The following CERS6 variants were observed in gnomAD, a reference collection of about 807,000 sequenced individuals.
CERS6 encodes the protein LAG1 homolog, ceramide synthase 6.
In CERS6, 26 loss-of-function variants were observed where a neutral mutation model predicts 56.8. The observed-to-expected ratio is 0.46, with a 90% CI of 0.34 to 0.63. The LOEUF (loss-of-function observed/expected upper bound fraction) is 0.63. Among genes scored for constraint, CERS6 ranks in the 30% least tolerant of loss-of-function variants. CERS6 has a pLI of 0.01. For missense variants in CERS6, 415 were observed against 467.5 expected, an observed-to-expected ratio of 0.89 and a Z score of 1.04; for synonymous variants, 164 against 173.3, an observed-to-expected ratio of 0.95 and a Z score of 0.42.
chr2:168,561,446 A>T (rs1404053969), intron 3 of CERS6, 124 bp downstream of exon 3: 1 of 1,035,238 alleles, frequency 9.7e-7, no homozygotes, highest in Non-Finnish European at 1.4e-6. Context: ...GTGGGAAAAT[A>T]GTTCAGGAAA....
chr2:168,767,165 T>C (rs942368251), intron 9 of CERS6, among the ~76,000 whole-genome samples: 1 of 152,220 alleles, frequency 6.6e-6, no homozygotes, highest in Admixed American at 6.5e-5. Flanking sequence ...TTCCTTCTAC[T>C]TTATGAAGAG....
intron 8 of CERS6, among the ~76,000 whole-genome samples, chr2:168,733,233 T>C (rs77322357): frequency 0.015 from 2,267 of 152,304 alleles, 55 homozygotes; most frequent in African/African-American, 0.052. Flanking sequence ...ATTGAAACTG[T>C]ATTTTGCTGG....
rs1375264353 is a variant in CERS6, at chr2:168,771,593, A to C, written c.*1931A>C. 6.6e-6 allele frequency: 1 copy of C among 152,222 alleles called. No individual in the cohort carries two copies. Among genetic ancestry groups the C allele is most frequent in the African/African-American group, 2.4e-5 (1 of 41,454 alleles). The allele number at this position is 152,222 out of a possible 1,614,324, so 9.4% of individuals were successfully genotyped here. On this transcript the variant is annotated 3_prime_UTR_variant, in exon 10 of 10. Coordinates refer to ENST00000305747, the MANE Select transcript of CERS6 (RefSeq NM_203463.3). ...TCTGCTAAAATGCAAGTATATGTAT[A>C]AGGTAATAGCATATTACAGCTGAAA... is the stretch of plus-strand genomic sequence containing the variant.
intron 6 of CERS6, among the ~76,000 whole-genome samples, chr2:168,696,906 T>C (rs1488604910): frequency 1.3e-5 from 2 of 152,210 alleles, no homozygotes; most frequent in Non-Finnish European, 2.9e-5. Context: ...GTGTAGCTGC[T>C]CATCGTGGGA....
At chr2:168,566,563 C>T (rs1008773441) in intron 3 of CERS6, among the ~76,000 whole-genome samples, 1 of 152,160 alleles carries the variant, frequency 6.6e-6, no homozygotes, top group South Asian at 2.1e-4. Context: ...ATGCTACTAA[C>T]TTGGTCACCT....
chr2:168,646,329 CAT>C (rs1685200738), intron 4 of CERS6, among the ~76,000 whole-genome samples: 1 of 152,058 alleles, frequency 6.6e-6, no homozygotes, highest in African/African-American at 2.4e-5. Context: ...TTGTTGGCCA[CAT>C]GTGTGTCTTC....
chr2:168,726,210 A>G (rs186670685), intron 8 of CERS6, among the ~76,000 whole-genome samples: 2 of 152,332 alleles, frequency 1.3e-5, no homozygotes, highest in Admixed American at 1.3e-4. Context: ...TTTCTCCGTT[A>G]ATACACAGAG....
chr2:168,738,788 C>A (rs1160038511), intron 8 of CERS6, among the ~76,000 whole-genome samples: 1 of 152,192 alleles, frequency 6.6e-6, no homozygotes, highest in African/African-American at 2.4e-5. Flanking sequence ...AGCTTGCAAT[C>A]CAGTTCTAAC....
chr2:168,458,456 A>T (rs559268529), intron 1 of CERS6, among the ~76,000 whole-genome samples: 5 of 152,364 alleles, frequency 3.3e-5, no homozygotes, highest in African/African-American at 1.2e-4. Context: ...ATAAACACTA[A>T]TGTGATAGTT....
chr2:168,631,627 A>G (rs1170927555), intron 4 of CERS6, among the ~76,000 whole-genome samples: 1 of 65,042 alleles, frequency 1.5e-5, no homozygotes, highest in African/African-American at 6.1e-5. Context: ...ATATTTATAT[A>G]ATATATAGCA....
chr2:168,755,390 C>G (rs1684386924), intron 8 of CERS6, among the ~76,000 whole-genome samples: 1 of 152,144 alleles, frequency 6.6e-6, no homozygotes, highest in Non-Finnish European at 1.5e-5. Context: ...CTAGTCATCT[C>G]TAGGGATCCT....
At chr2:168,505,984 G>T (rs538503901) in intron 1 of CERS6, among the ~76,000 whole-genome samples, 1 of 152,308 alleles carries the variant, frequency 6.6e-6, no homozygotes. Flanking sequence ...CTCCTGAGCT[G>T]CTTTATGTGT....
At position 168,731,741 on chromosome 2, in the gene CERS6, G is replaced by T. The variant is rs767339854; in HGVS notation, c.845+13763G>T. ...GGTGAGTCATCCCCAGCCACCCTTG[G>T]GGATTTCTCATCAGGTTTACTGTGT... is the stretch of plus-strand genomic sequence containing the variant. On this transcript the variant is annotated intron_variant, in intron 8 of 9. Coordinates refer to ENST00000305747, the MANE Select transcript of CERS6 (RefSeq NM_203463.3). Among the ~76,000 whole-genome samples, 360 of 152,132 alleles carry T rather than the reference G, an allele frequency of 2.4e-3. 1 individual carries two copies. The highest frequency in any genetic ancestry group is 0.014 in the Middle Eastern group (4 of 292).
chr2:168,604,342 G>A (rs552958683), intron 3 of CERS6, among the ~76,000 whole-genome samples: 4 of 152,178 alleles, frequency 2.6e-5, no homozygotes, highest in African/African-American at 9.6e-5. Flanking sequence ...TATTTGTAGG[G>A]TAGGGTATGT....
At chr2:168,551,818 A>G (rs1695578080) in intron 2 of CERS6, among the ~76,000 whole-genome samples, 1 of 152,166 alleles carries the variant, frequency 6.6e-6, no homozygotes, top group Non-Finnish European at 1.5e-5. Context: ...ATTTCTCTTT[A>G]GTGAATATTT....
intron 8 of CERS6, among the ~76,000 whole-genome samples, chr2:168,741,617 G>A (rs181705233): frequency 2.0e-5 from 3 of 152,316 alleles, no homozygotes; most frequent in Non-Finnish European, 4.4e-5. Flanking sequence ...GGACAAGCTC[G>A]AATTAGAGAA....
chr2:168,547,780 T>C, intron 2 of CERS6, 79 bp downstream of exon 2: 1 of 1,035,816 alleles, frequency 9.7e-7, no homozygotes, highest in Non-Finnish European at 1.5e-6. Flanking sequence ...TGTCCCCTTC[T>C]GGGTTTGGAG....
chr2:168,568,035 A>G (rs896386211), intron 3 of CERS6, among the ~76,000 whole-genome samples: 1 of 152,184 alleles, frequency 6.6e-6, no homozygotes, highest in African/African-American at 2.4e-5. Context: ...TTTTCCATTT[A>G]GAACAAGCCT....
chr2:168,727,118 A>G lies in CERS6; in HGVS notation c.845+9140A>G, dbSNP rs138119322. Among the ~76,000 whole-genome samples, 69 of 152,272 alleles carry G rather than the reference A, an allele frequency of 4.5e-4. 1 individual carries two copies. In the Middle Eastern group the frequency reaches 0.014, roughly 30 times the overall value. ...TTGGCTACAGGAGGGTTAGAGTCAA[A>G]TACGTACCTTTACTGGTCAGCTACT... On this transcript the variant is annotated intron_variant, in intron 8 of 9. Transcript: ENST00000305747.
Sources: allele counts gnomAD v4.1 joint callset (sites outside exome capture counted in the v4.1 genomes callset), GRCh38; gene constraint gnomAD v4.1.1; transcripts MANE v1.5; gene names NCBI Gene and HGNC (gene_info 2026-07-23, HGNC 2026-07-21).